The following GOLGA5 variants were observed in gnomAD, a reference collection of about 807,000 sequenced individuals.
GOLGA5 encodes golgin subfamily A member 5.
In GOLGA5, 50 loss-of-function variants were observed where a neutral mutation model predicts 93.5. The ratio of observed to expected loss-of-function variants is 0.53; its 90% CI spans 0.43 to 0.68. GOLGA5 has a LOEUF of 0.68. Ranked by LOEUF, GOLGA5 falls within the 30% of genes least tolerant of loss-of-function variation. The pLI, the probability that GOLGA5 is intolerant of heterozygous loss-of-function variation, is 0.00. For synonymous variants in GOLGA5, 312 were observed against 304.5 expected (o/e 1.02, Z -0.26); for missense variants, 760 against 856.4 (o/e 0.89, Z 1.40).
At chr14:92,799,357 A>G (rs1884811176) in intron 2 of GOLGA5, among the ~76,000 whole-genome samples, 1 of 147,648 alleles carries the variant, frequency 6.8e-6, no homozygotes, top group Non-Finnish European at 1.5e-5. Flanking sequence ...GCTCACTGCA[A>G]GCTCCACCTC....
At chr14:92,838,854 C>T (rs1461381845) in intron 12 of GOLGA5, among the ~76,000 whole-genome samples, 1 of 152,012 alleles carries the variant, frequency 6.6e-6, no homozygotes, top group South Asian at 2.1e-4. Flanking sequence ...TGGTGAGGCA[C>T]TTAGTGATGG....
In GOLGA5 at chr14:92,835,966, A is replaced by G. The variant is rs11850820; in HGVS notation, c.2051+302A>G. 6.8e-3 allele frequency among the ~76,000 whole-genome samples: 497 copies of G among 72,866 alleles called. 1 individual carries two copies. Among genetic ancestry groups the G allele is most frequent in the Middle Eastern group, 0.029 (4 of 136 alleles). 47.8% of individuals were successfully genotyped at this position (72,866 alleles called of 152,430 possible). ...ATCTCTTTTTTCTATAATAAATTCT[A>G]TTTTTAAAAACTTCATTAAATTTTA... On this transcript the variant is annotated intron_variant, in intron 11 of 12. Transcript: ENST00000163416.
At position 92,833,303 on chromosome 14, in the gene GOLGA5, G is replaced by GT; in HGVS notation, c.1902dup (p.Asn635Ter). 6.2e-7 allele frequency: 1 copy of GT among 1,613,154 alleles called. No homozygotes were observed. Among genetic ancestry groups the GT allele is most frequent in the South Asian group, 1.1e-5 (1 of 91,058 alleles). On this transcript the variant is annotated frameshift_variant, in exon 10 of 13. Transcript: ENST00000163416. LOFTEE classifies it high-confidence loss of function. ...ATGAACTCCGCCTCTGGAAGTAGTA[G>GT]TAATGGGTCTTCGATTAATATGTCT... is the stretch of plus-strand genomic sequence containing the variant.
intron 2 of GOLGA5, among the ~76,000 whole-genome samples, chr14:92,798,892 G>A (rs1434578004): frequency 6.6e-6 from 1 of 152,148 alleles, no homozygotes; most frequent in Non-Finnish European, 1.5e-5. Context: ...CTCCAGCCTG[G>A]GCCGTAGAAT....
chr14:92,835,855 CATG>C (rs1362575026), intron 11 of GOLGA5, among the ~76,000 whole-genome samples, 191 bp downstream of exon 11: 3 of 152,136 alleles, frequency 2.0e-5, no homozygotes, highest in Non-Finnish European at 2.9e-5. Context: ...TGACTTCTTT[CATG>C]ATATTTGAAA....
chr14:92,809,490 A>G lies in GOLGA5; in HGVS notation c.963A>G (p.Ala321=). ...AGCTACTGAGTACTCGCACAGAAGC[A>G]TTAGAAGCCTTACAGAGTGAAAAAT... ...ADQLLSTRTE[A]LEALQSEKSR... Residue 321 remains alanine (A), a synonymous_variant, in exon 4 of 13, where the codon GCA becomes GCG. Transcript: ENST00000163416. 3 of 1,612,846 alleles carry G rather than the reference A, an allele frequency of 1.9e-6. No homozygotes were observed. Among genetic ancestry groups the G allele is most frequent in the Non-Finnish European group, 2.5e-6 (3 of 1,178,848 alleles).
chr14:92,836,574 T>C (rs1180567152), intron 11 of GOLGA5, among the ~76,000 whole-genome samples: 1 of 152,194 alleles, frequency 6.6e-6, no homozygotes, highest in African/African-American at 2.4e-5. Context: ...AGAGGCATAA[T>C]AGATCTGGAC....
chr14:92,837,506 T>TG (rs1259605286), intron 12 of GOLGA5, 57 bp downstream of exon 12: 9 of 619,812 alleles, frequency 1.5e-5, no homozygotes, highest in African/African-American at 5.9e-5. Flanking sequence ...TAGTTTTTTT[T>TG]TTTGTTTGTT....
At position 92,797,920 on chromosome 14, in the gene GOLGA5, G is replaced by T. The variant is rs776933561; in HGVS notation, c.483G>T (p.Val161=). Residue 161 remains valine (V), a synonymous_variant, in exon 2 of 13, where the codon GTG becomes GTT. Coordinates refer to ENST00000163416, the MANE Select transcript of GOLGA5 (RefSeq NM_005113.4). ...QSSQTSSVSS[V]NPSVTTIKTI... ...CTCAGACATCAAGTGTCAGTTCTGT[G>T]AACCCCAGTGTAACCACCATCAAAA... The T allele has an allele frequency of 6.2e-7, 1 of 1,610,130 alleles. No individual in the cohort carries two copies. Among genetic ancestry groups the T allele is most frequent in the Middle Eastern group, 1.7e-4 (1 of 6,034 alleles).
At chr14:92,838,346 T>C (rs1885688603) in intron 12 of GOLGA5, among the ~76,000 whole-genome samples, 1 of 152,130 alleles carries the variant, frequency 6.6e-6, no homozygotes, top group Admixed American at 6.5e-5. Flanking sequence ...AGGGAAGAGT[T>C]ATTCCTTTAA....
chr14:92,826,290 CAAAAAA>C (rs10713083), intron 9 of GOLGA5, among the ~76,000 whole-genome samples: 1 of 135,650 alleles, frequency 7.4e-6, no homozygotes, highest in Non-Finnish European at 1.6e-5. Flanking sequence ...AATACATTGC[CAAAAAA>C]AAAAAAAAAT....
At position 92,823,529 on chromosome 14, in the gene GOLGA5, G is replaced by C. The variant is rs141194677; in HGVS notation, c.1621-1017G>C. Among the ~76,000 whole-genome samples the C allele has an allele frequency of 6.2e-3, 932 of 150,780 alleles. 14 individuals are homozygous for C. Among genetic ancestry groups the C allele is most frequent in the South Asian group, 0.061 (287 of 4,708 alleles). On this transcript the variant is annotated intron_variant, in intron 8 of 12. Coordinates refer to ENST00000163416, the MANE Select transcript of GOLGA5 (RefSeq NM_005113.4). ...CCTCAGGCTCAGGTAATTCTCCCAC[G>C]TCAACCTCCTGAGTAGCTGGGATTA...
Position 92,833,221 on chromosome 14 carries a change from A to C in GOLGA5, c.1819A>C (p.Ser607Arg), listed in dbSNP as rs1294823138. The C allele has an allele frequency of 3.7e-6, 6 of 1,611,620 alleles. No homozygotes were observed. In the African/African-American group the frequency reaches 8.0e-5, roughly 22 times the overall value. ...CATCCAGAAACAGACCATGCTGGAGAGTCTCAGCACAGAAAAGAACTCCCT... is the reference window on the plus strand; with the variant it reads ...CATCCAGAAACAGACCATGCTGGAGCGTCTCAGCACAGAAAAGAACTCCCT... ...TLIQKQTMLE[S>R]LSTEKNSLVF... The change falls in exon 10 of 13, where the codon AGT (serine) becomes CGT (arginine). Residue 607 changes from serine to arginine, a missense_variant. Ser to Arg is a moderately radical substitution (Grantham distance 110). Coordinates refer to ENST00000163416, the MANE Select transcript of GOLGA5 (RefSeq NM_005113.4).
At chr14:92,799,886 C>T (rs1358056020) in intron 2 of GOLGA5, among the ~76,000 whole-genome samples, 2 of 152,138 alleles carry the variant, frequency 1.3e-5, no homozygotes, top group Non-Finnish European at 2.9e-5. Flanking sequence ...AGATTACAGG[C>T]GTGAGCCACC....
intron 2 of GOLGA5, 27 bp downstream of exon 2, chr14:92,798,008 T>A (rs1422705988): frequency 6.9e-7 from 1 of 1,445,916 alleles, no homozygotes; most frequent in Admixed American, 2.2e-5. Context: ...CTTATTTCTT[T>A]TAGAGTTAAG....
At chr14:92,832,033 T>G (rs1321312887) in intron 9 of GOLGA5, among the ~76,000 whole-genome samples, 1 of 152,194 alleles carries the variant, frequency 6.6e-6, no homozygotes, top group African/African-American at 2.4e-5. Flanking sequence ...ATTCTTGCCC[T>G]CATGAAGCTG....
chr14:92,830,990 A>G (rs970457957), intron 9 of GOLGA5, among the ~76,000 whole-genome samples: 4 of 152,176 alleles, frequency 2.6e-5, no homozygotes, highest in Admixed American at 2.0e-4. Context: ...GACCAAACCC[A>G]TATTATCTCT....
At chr14:92,803,355 C>T (rs1022288208) in intron 2 of GOLGA5, among the ~76,000 whole-genome samples, 2 of 152,066 alleles carry the variant, frequency 1.3e-5, no homozygotes, top group South Asian at 2.1e-4. Context: ...ATTTTATAAG[C>T]GAAATCGGCC....
chr14:92,837,839 C>T (rs947706028), intron 12 of GOLGA5, among the ~76,000 whole-genome samples: 2 of 152,192 alleles, frequency 1.3e-5, no homozygotes, highest in Non-Finnish European at 1.5e-5. Flanking sequence ...GCTGGGATTT[C>T]AGGAATGCGC....
Sources: gnomAD v4.1 joint callset for allele counts (sites outside exome capture counted in the v4.1 genomes callset) on GRCh38, gnomAD v4.1.1 for gene constraint, MANE v1.5 for transcripts, NCBI Gene and HGNC (gene_info 2026-07-23, HGNC 2026-07-21) for gene names.